C4orf51: variants seen among roughly 807,000 people sequenced by gnomAD.
C4orf51 encodes chromosome 4 open reading frame 51.
Under a neutral mutation model 25.2 loss-of-function variants are expected in C4orf51, and 25 were observed. That is an observed-to-expected ratio of 0.99 (90% confidence interval 0.72 to 1.39). C4orf51 has a LOEUF of 1.39. Ranked by LOEUF, C4orf51 falls within the 40% of genes most tolerant of loss-of-function variation. The pLI is 0.00. For missense variants in C4orf51, 252 were observed against 239.6 expected (o/e 1.05, Z -0.34); for synonymous variants, 100 against 84.5 (o/e 1.18, Z -1.01).
intron 2 of C4orf51, among the ~76,000 whole-genome samples, chr4:145,726,516 C>T (rs1169513935): frequency 6.6e-6 from 1 of 152,126 alleles, no homozygotes; most frequent in Non-Finnish European, 1.5e-5. Flanking sequence ...ATCCTCCTGC[C>T]TTAGCCTCCC....
chr4:145,767,096 A>G (rs1045913668), intron 1 of C4orf51, among the ~76,000 whole-genome samples: 1 of 152,238 alleles, frequency 6.6e-6, no homozygotes, highest in Admixed American at 6.5e-5. Context: ...ATAATCAACC[A>G]ATCAAAGGTG....
chr4:145,735,892 G>C (rs912088729), downstream of C4orf51, among the ~76,000 whole-genome samples: 1 of 152,166 alleles, frequency 6.6e-6, no homozygotes, highest in African/African-American at 2.4e-5. Context: ...CTGGTTCTGC[G>C]AGAGAATGGG....
chr4:145,748,113 T>C (rs79934143), intron 1 of C4orf51, among the ~76,000 whole-genome samples: 2,044 of 152,220 alleles, frequency 0.013, 41 homozygotes, highest in African/African-American at 0.047. Flanking sequence ...TGGTTCAATC[T>C]TGATAGGTTG....
rs1337777716 is a variant in C4orf51, at chr4:145,680,231, C to T, written c.28C>T (p.Gln10Ter). 6.2e-7 allele frequency: 1 copy of T among 1,613,906 alleles called. No individual in the cohort carries two copies. Among genetic ancestry groups the T allele is most frequent in the East Asian group, 2.2e-5 (1 of 44,878 alleles). Residue 10 changes from glutamine to a stop codon, truncating the protein, a stop_gained, in exon 1 of 6, where the codon CAA becomes TAA. Coordinates refer to ENST00000438731, the MANE Select transcript of C4orf51 (RefSeq NM_001080531.3). LOFTEE classifies it high-confidence loss of function. ...GTCACACTACTTCTACTTGACTCCACAAATTCTTCTGCCCTTTAGCCCTCT... is the reference window on the plus strand; with the variant it reads ...GTCACACTACTTCTACTTGACTCCATAAATTCTTCTGCCCTTTAGCCCTCT... MSHYFYLTP[Q>*]ILLPFSPLTS...
At chr4:145,773,354 G>T (rs190018048), downstream of C4orf51, among the ~76,000 whole-genome samples, 809 of 152,224 alleles carry the variant, frequency 5.3e-3, 13 homozygotes, top group Non-Finnish European at 2.5e-3. Context: ...ACAAAAACAA[G>T]CTTTTATTAC....
chr4:145,723,101 AC>A (rs1731833311), intron 2 of C4orf51, among the ~76,000 whole-genome samples: 1 of 151,946 alleles, frequency 6.6e-6, no homozygotes, highest in South Asian at 2.1e-4. Context: ...TGAAACCATC[AC>A]CCCTGCCCCT....
Position 145,761,146 on chromosome 4 carries a change from T to C in C4orf51, n.167-9842T>C, listed in dbSNP as rs1405098723. ...CGGGGCCCCCGGGCCGGCCGGTTCCTTGGGGGCTGGACACAGGCCCTTCTT... is the reference window on the plus strand; with the variant it reads ...CGGGGCCCCCGGGCCGGCCGGTTCCCTGGGGGCTGGACACAGGCCCTTCTT... On this transcript the variant is annotated intron_variant and non_coding_transcript_variant, in intron 1 of 1. Coordinates refer to the C4orf51 transcript ENST00000510096. The surrounding 1 kb of genome is among the most constrained non-coding windows in gnomAD (Gnocchi z 6.8). 1.6e-6 allele frequency: 2 copies of C among 1,289,792 alleles called. No individual in the cohort carries two copies. The highest frequency in any genetic ancestry group is 2.0e-6 in the Non-Finnish European group (2 of 988,820). The allele number at this position is 1,289,792 out of a possible 1,614,324, so 79.9% of individuals were successfully genotyped here. A position where few individuals can be genotyped will look rare whatever the true frequency, so the allele number is the denominator to read the frequency against.
intron 2 of C4orf51, among the ~76,000 whole-genome samples, chr4:145,700,419 A>G (rs1414043718): frequency 4.6e-5 from 7 of 151,854 alleles, no homozygotes; most frequent in Non-Finnish European, 8.8e-5. Flanking sequence ...CTTCTCCCTT[A>G]GCCTGTGTTC....
Position 145,729,149 on chromosome 4 carries a change from T to A in C4orf51, c.367-20T>A, listed in dbSNP as rs766568460. 1 of 1,537,878 alleles carries A rather than the reference T, an allele frequency of 6.5e-7. No homozygotes were observed. The highest frequency in any genetic ancestry group is 1.7e-5 in the Admixed American group (1 of 58,964). ...ATTATGAAAGTGGTTGGTATTTATT[T>A]CTATCTCTCCTTTTTATAGGCACAT... On this transcript the variant is annotated intron_variant, in intron 3 of 5. Transcript: ENST00000438731.
At chr4:145,727,576 AT>A (rs1732131524) in intron 3 of C4orf51, among the ~76,000 whole-genome samples, 1 of 151,922 alleles carries the variant, frequency 6.6e-6, no homozygotes, top group Admixed American at 6.6e-5. Context: ...CTCCATTACA[AT>A]TTTAAAATAT....
the C4orf51 span, among the ~76,000 whole-genome samples, chr4:145,788,534 G>A: frequency 2.6e-5 from 4 of 152,176 alleles, no homozygotes; most frequent in Admixed American, 6.5e-5. Context: ...TGTTTTCCCT[G>A]TACTTGTACT....
the C4orf51 span, among the ~76,000 whole-genome samples, chr4:145,776,442 C>T: frequency 1.8e-4 from 27 of 147,970 alleles, no homozygotes; most frequent in South Asian, 4.7e-3. Flanking sequence ...GCCTGGGTGA[C>T]GGAGATAAAC....
At chr4:145,726,292 A>T (rs571801216) in intron 2 of C4orf51, among the ~76,000 whole-genome samples, 11 of 152,336 alleles carry the variant, frequency 7.2e-5, no homozygotes, top group Admixed American at 6.5e-4. Flanking sequence ...CATCACCTCA[A>T]ACATTTATGA....
At position 145,696,440 on chromosome 4, in the gene C4orf51, C is replaced by G. The variant is rs926045294; in HGVS notation, c.234-119C>G. 3 of 843,990 alleles carry G rather than the reference C, an allele frequency of 3.6e-6. No individual in the cohort carries two copies. In the Admixed American group the frequency reaches 6.8e-5, roughly 19 times the overall value. The allele number at this position is 843,990 out of a possible 1,614,324, so 52.3% of individuals were successfully genotyped here. On this transcript the variant is annotated intron_variant, in intron 1 of 5. Transcript: ENST00000438731. ...AAATAACAAACCTTCACATGTACTC[C>G]CAAACCTAAAATGAAAGTTTTAAAA...
At chr4:145,729,292 A>ATT in intron 4 of C4orf51, 63 bp downstream of exon 4, 1 of 569,202 alleles carries the variant, frequency 1.8e-6, no homozygotes, top group Non-Finnish European at 2.8e-6. Flanking sequence ...AATCGTGGTC[A>ATT]TGTGATTTTT....
At chr4:145,771,553 A>G (rs1736284605), downstream of C4orf51, among the ~76,000 whole-genome samples, 1 of 152,238 alleles carries the variant, frequency 6.6e-6, no homozygotes, top group African/African-American at 2.4e-5. Context: ...ACCAAAGGGG[A>G]TATTTTCCCC....
the C4orf51 span, among the ~76,000 whole-genome samples, chr4:145,788,428 A>G: frequency 1.3e-5 from 2 of 152,228 alleles, no homozygotes; most frequent in African/African-American, 4.8e-5. Flanking sequence ...ATCCAGGCCA[A>G]TTGATGGCTG....
At chr4:145,721,888 G>A (rs543789517) in intron 2 of C4orf51, among the ~76,000 whole-genome samples, 73 of 152,328 alleles carry the variant, frequency 4.8e-4, no homozygotes, top group Middle Eastern at 3.4e-3. Context: ...TACGTGGGGA[G>A]AAAATTAGGG....
At chr4:145,740,240 CAAAAAAAAAAAAAAAAAAA>C (rs60310006) in intron 1 of C4orf51, among the ~76,000 whole-genome samples, 4 of 104,830 alleles carry the variant, frequency 3.8e-5, no homozygotes, top group African/African-American at 8.2e-5. Context: ...TCCCTTTCTG[CAAAAAAAAAAAAAAAAAAA>C]AAAAAAAAAA....
Sources: allele counts gnomAD v4.1 joint callset (sites outside exome capture counted in the v4.1 genomes callset), GRCh38; gene constraint gnomAD v4.1.1; non-coding constraint Gnocchi (gnomAD v3.1); transcripts MANE v1.5; gene names NCBI Gene and HGNC (gene_info 2026-07-23, HGNC 2026-07-21).